PKHD1L1: variants seen among roughly 807,000 people sequenced by gnomAD.
PKHD1L1 encodes the protein PKHD1 like 1, also known as fibrocystin-L.
Under a neutral mutation model 462.9 loss-of-function variants are expected in PKHD1L1, and 434 were observed. The ratio of observed to expected loss-of-function variants is 0.94; its 90% CI spans 0.87 to 1.02. The LOEUF (loss-of-function observed/expected upper bound fraction) is 1.02. Ranked by LOEUF, PKHD1L1 falls within the 50% of genes least tolerant of loss-of-function variation. The pLI is 0.00. For missense variants in PKHD1L1, 5,202 were observed against 5,096.1 expected (o/e 1.02, Z -0.63); for synonymous variants, 1,781 against 1,750.0 (o/e 1.02, Z -0.44).
In PKHD1L1 at chr8:109,427,956, G is replaced by GCAGTGAGCCGAGATTGTGCC. The variant is rs548972628; in HGVS notation, c.3000+801_3000+820dup. ...CGCTTGAACCTGGGAGACGGAGATT[G>GCAGTGAGCCGAGATTGTGCC]CAGTGAGCCGAGATTGTGCCATTGC... On this transcript the variant is annotated intron_variant, in intron 25 of 77. Coordinates refer to ENST00000378402, the MANE Select transcript of PKHD1L1 (RefSeq NM_177531.6). Among the ~76,000 whole-genome samples the GCAGTGAGCCGAGATTGTGCC allele has an allele frequency of 7.1e-3, 1,038 of 145,832 alleles. 7 individuals are homozygous for GCAGTGAGCCGAGATTGTGCC. The highest frequency in any genetic ancestry group is 9.4e-3 in the Non-Finnish European group (627 of 66,964).
At chr8:109,507,339 T>C (rs1819740584) in intron 68 of PKHD1L1, among the ~76,000 whole-genome samples, 1 of 152,170 alleles carries the variant, frequency 6.6e-6, no homozygotes, top group Admixed American at 6.6e-5. Context: ...GCAATGTTAG[T>C]ATGCTGTGAA....
In PKHD1L1 at chr8:109,439,016, T is replaced by G; in HGVS notation, c.3880T>G (p.Cys1294Gly). The G allele has an allele frequency of 1.9e-6, 3 of 1,613,716 alleles. No homozygotes were observed. Among genetic ancestry groups the G allele is most frequent in the Non-Finnish European group, 2.5e-6 (3 of 1,179,680 alleles). ...TCACTGGAACTTCACAGATATTAGA[T>G]GCCTTTTGCCCAAGTTGTCTCCTGG... ...ILHWNFTDIR[C>G]LLPKLSPGKH... The change falls in exon 32 of 78, where the codon TGC becomes GGC. Residue 1294 changes from cysteine (C) to glycine (G), a missense_variant. Cys to Gly is a radical substitution (Grantham distance 159). This residue lies in a region of PKHD1L1 where 4,497 missense variants were observed against 4,336.8 expected (regional missense o/e 1.04). Coordinates refer to ENST00000378402, the MANE Select transcript of PKHD1L1 (RefSeq NM_177531.6).
chr8:109,470,325 C>A, intron 50 of PKHD1L1: 2 of 1,500,788 alleles, frequency 1.3e-6, no homozygotes, highest in Non-Finnish European at 1.9e-6. Context: ...ATTTAGATAA[C>A]TTAGTTTGGA....
Position 109,464,208 on chromosome 8 carries a change from C to G in PKHD1L1, c.7384-8C>G, listed in dbSNP as rs751003122. On this transcript the variant is annotated splice_region_variant and splice_polypyrimidine_tract_variant and intron_variant, in intron 48 of 77. Transcript: ENST00000378402. ...TTACTAAATAACTGTGATTTCTGGG[C>G]TTAACAGGTATTCCATGCTGGCCAG... The G allele has an allele frequency of 3.2e-6, 5 of 1,568,600 alleles. No homozygotes were observed. The South Asian group carries it at 5.9e-5, about 19-fold the overall frequency.
chr8:109,452,178 G>T lies in PKHD1L1; in HGVS notation c.6405G>T (p.Glu2135Asp). Residue 2135 changes from glutamate to aspartate, a missense_variant, in exon 42 of 78, where the codon GAG becomes GAT. By Grantham distance (45) the Glu-to-Asp change is conservative. Around this residue, in one of 3 missense-constraint regions of PKHD1L1, gnomAD observed 4,497 missense variants for 4,336.8 expected, o/e 1.04. Transcript: ENST00000378402. ...TAGCTGAAGCCAAATGTGATGTTGA[G>T]TATTCCAACAAGACACACATCATCT... Reference protein sequence around the residue: ...ITIAEAKCDVEYSNKTHIICM... With the variant: ...ITIAEAKCDVDYSNKTHIICM... The T allele has an allele frequency of 6.2e-7, 1 of 1,613,296 alleles. No homozygotes were observed.
In PKHD1L1 at chr8:109,413,488, G is replaced by C; in HGVS notation, c.2303G>C (p.Ser768Thr). The C allele has an allele frequency of 1.3e-6, 2 of 1,578,436 alleles. No homozygotes were observed. The highest frequency in any genetic ancestry group is 2.4e-5 in the South Asian group (2 of 84,494). ...CTAAAATTTCAGTACCAAGACAATA[G>C]CAAGATTACTAGAAGCACTGATACA... ...IGLKFQYQDN[S>T]KITRSTDTQF... is the part of the protein sequence containing the mutation. Residue 768 changes from serine (S) to threonine (T), a missense_variant, in exon 21 of 78, where the codon AGC becomes ACC. Around this residue, in one of 3 missense-constraint regions of PKHD1L1, gnomAD observed 4,497 missense variants for 4,336.8 expected, o/e 1.04. Coordinates refer to ENST00000378402, the MANE Select transcript of PKHD1L1 (RefSeq NM_177531.6).
At chr8:109,368,065 G>A (rs1236732893) in intron 2 of PKHD1L1, among the ~76,000 whole-genome samples, 1 of 152,086 alleles carries the variant, frequency 6.6e-6, no homozygotes, top group Admixed American at 6.5e-5. Flanking sequence ...TTATAATTTT[G>A]ATAAGTTCTG....
At chr8:109,444,089 A>C (rs1361212011) in intron 37 of PKHD1L1, among the ~76,000 whole-genome samples, 187 bp downstream of exon 37, 1 of 149,912 alleles carries the variant, frequency 6.7e-6, no homozygotes, top group African/African-American at 2.5e-5. Context: ...TCATCACACA[A>C]TCAATTTTAG....
intron 5 of PKHD1L1, 29 bp from the exon 6 acceptor site, chr8:109,385,508 A>C: frequency 6.9e-7 from 1 of 1,439,708 alleles, no homozygotes; most frequent in Admixed American, 2.0e-5. Context: ...CTTACACAGA[A>C]TCTTTTTGGG....
chr8:109,404,703 A>G lies in PKHD1L1; in HGVS notation c.1523A>G (p.Gln508Arg), dbSNP rs1438936511. Reference protein sequence around the residue: ...QVIKSQSTILQEVQVITLENW... With the variant: ...QVIKSQSTILREVQVITLENW... Reference sequence around the variant, plus strand: ...ATCAAATCCCAGTCGACAATCCTCCAGGAAGTACAGGTTTGCTATGATTGC... The same window carrying G: ...ATCAAATCCCAGTCGACAATCCTCCGGGAAGTACAGGTTTGCTATGATTGC... Residue 508 changes from glutamine (Q) to arginine (R), a missense_variant, in exon 15 of 78, where the codon CAG becomes CGG. Gln to Arg is a conservative substitution (Grantham distance 43). Transcript: ENST00000378402. 1 of 1,602,126 alleles carries G rather than the reference A, an allele frequency of 6.2e-7. No homozygotes were observed. Among genetic ancestry groups the G allele is most frequent in the Non-Finnish European group, 8.5e-7 (1 of 1,174,398 alleles).
At chr8:109,491,271 A>G (rs1347740569) in intron 61 of PKHD1L1, among the ~76,000 whole-genome samples, 170 bp downstream of exon 61, 1 of 151,900 alleles carries the variant, frequency 6.6e-6, no homozygotes, top group East Asian at 1.9e-4. Flanking sequence ...GAGCACTTGA[A>G]TTATGGCTAG....
intron 72 of PKHD1L1, among the ~76,000 whole-genome samples, chr8:109,517,175 G>T (rs1377157261): frequency 2.6e-5 from 4 of 152,120 alleles, no homozygotes; most frequent in Admixed American, 2.0e-4. Context: ...ATAAATGTGT[G>T]TTTTATGGTA....
chr8:109,443,537 C>G (rs1815933911), intron 36 of PKHD1L1, 139 bp from the exon 37 acceptor site: 2 of 667,410 alleles, frequency 3.0e-6, no homozygotes, highest in East Asian at 2.7e-5. Context: ...TGCCTAAGAC[C>G]CATTTGTCAT....
Position 109,436,426 on chromosome 8 carries a change from G to A in PKHD1L1, c.3594G>A (p.Gly1198=), listed in dbSNP as rs2130718128. The change falls in exon 30 of 78, where the codon GGG becomes GGA. Residue 1198 remains glycine (G), a synonymous_variant. Coordinates refer to ENST00000378402, the MANE Select transcript of PKHD1L1 (RefSeq NM_177531.6). ...ATGAAACCTGCAATGTGATTGAAGG[G>A]GATTTGAATAGGATAACCTGCAGGA... ...VGNETCNVIE[G]DLNRITCRTP... is the part of the protein sequence containing the mutation. 6.2e-7 allele frequency: 1 copy of A among 1,613,122 alleles called. No individual in the cohort carries two copies. The highest frequency in any genetic ancestry group is 8.5e-7 in the Non-Finnish European group (1 of 1,179,612).
chr8:109,487,167 A>T (rs1254679856), intron 59 of PKHD1L1, among the ~76,000 whole-genome samples: 1 of 151,958 alleles, frequency 6.6e-6, no homozygotes, highest in Non-Finnish European at 1.5e-5. Context: ...AAAAACAGAG[A>T]AAACAGTATA....
chr8:109,504,596 T>G (rs931606724), intron 68 of PKHD1L1, 104 bp downstream of exon 68: 18 of 606,930 alleles, frequency 3.0e-5, no homozygotes, highest in Non-Finnish European at 4.5e-5. Context: ...TAACTGCCAG[T>G]TTTTATGATA....
At chr8:109,518,824 A>G (rs1157405874) in intron 73 of PKHD1L1, among the ~76,000 whole-genome samples, 1 of 152,186 alleles carries the variant, frequency 6.6e-6, no homozygotes, top group African/African-American at 2.4e-5. Context: ...TTAAGGATGA[A>G]GATAGTCAAT....
At chr8:109,404,468 A>G in intron 14 of PKHD1L1, 86 bp from the exon 15 acceptor site, 2 of 754,420 alleles carry the variant, frequency 2.7e-6, no homozygotes, top group Non-Finnish European at 3.8e-6. Context: ...GGCTTTTAAG[A>G]TAATATTGAT....
intron 68 of PKHD1L1, among the ~76,000 whole-genome samples, chr8:109,506,198 T>C (rs890221880): frequency 2.6e-5 from 4 of 152,202 alleles, no homozygotes; most frequent in Non-Finnish European, 5.9e-5. Context: ...ATCAGTGCTC[T>C]CCCAGATCTT....
Sources: gnomAD v4.1 joint callset for allele counts (sites outside exome capture counted in the v4.1 genomes callset) on GRCh38, gnomAD v4.1.1 for gene constraint, gnomAD v4.1.1 regional missense constraint, MANE v1.5 for transcripts, NCBI Gene and HGNC (gene_info 2026-07-23, HGNC 2026-07-21) for gene names.